Variants in EPB41L4B observed in about 807,000 individuals in gnomAD.
EPB41L4B encodes the protein band 4.1-like protein 4B.
A neutral mutation model predicts 112.5 loss-of-function variants in EPB41L4B; 30 were observed. That is an observed-to-expected ratio of 0.27 (90% CI 0.20 to 0.36). EPB41L4B has a LOEUF of 0.36. EPB41L4B is among the 10% of genes least tolerant of loss of function. EPB41L4B has a pLI of 1.00. For synonymous variants in EPB41L4B, 408 were observed against 439.7 expected, an observed-to-expected ratio of 0.93 and a Z score of 0.90; for missense variants, 1,024 against 1,133.3, an observed-to-expected ratio of 0.90 and a Z score of 1.38.
At chr9:109,210,416 T>A (rs10979750) in intron 17 of EPB41L4B, among the ~76,000 whole-genome samples, 14,202 of 152,226 alleles carry the variant, frequency 0.093, 971 homozygotes, top group African/African-American at 0.19. Flanking sequence ...GTCAAATTGG[T>A]TATAAAGCCC....
At chr9:109,181,856 A>G (rs1832069123) in intron 24 of EPB41L4B, among the ~76,000 whole-genome samples, 1 of 152,184 alleles carries the variant, frequency 6.6e-6, no homozygotes, top group African/African-American at 2.4e-5. Flanking sequence ...AAAACCCCCA[A>G]TAAATGAGTG....
chr9:109,238,614 A>G (rs1221054668), intron 15 of EPB41L4B, among the ~76,000 whole-genome samples: 1 of 152,184 alleles, frequency 6.6e-6, no homozygotes, highest in Non-Finnish European at 1.5e-5. Context: ...TGAGATAAAC[A>G]AAAGAGCCCA....
At chr9:109,314,130 C>A (rs1837534853) in intron 1 of EPB41L4B, among the ~76,000 whole-genome samples, 1 of 152,188 alleles carries the variant, frequency 6.6e-6, no homozygotes, top group Admixed American at 6.5e-5. Context: ...GCAGTTCCCA[C>A]TGGAGGAGAA....
chr9:109,184,067 C>T (rs1184846031), intron 23 of EPB41L4B, among the ~76,000 whole-genome samples: 1 of 152,214 alleles, frequency 6.6e-6, no homozygotes, highest in Non-Finnish European at 1.5e-5. Context: ...CTTTTTGACT[C>T]AGGTGAGAGA....
chr9:109,181,879 G>T (rs1210804423), intron 24 of EPB41L4B, among the ~76,000 whole-genome samples: 1 of 152,084 alleles, frequency 6.6e-6, no homozygotes, highest in East Asian at 1.9e-4. Flanking sequence ...TAAACAAATT[G>T]CAGTATATAG....
In EPB41L4B at chr9:109,195,469, G is replaced by A. The variant is rs143112566; in HGVS notation, c.2046-1072C>T. 1.9e-3 allele frequency among the ~76,000 whole-genome samples: 283 copies of A among 152,306 alleles called. 1 individual carries two copies. The highest frequency in any genetic ancestry group is 3.2e-3 in the Non-Finnish European group (219 of 68,030). ...CTCATTACTAAAAAGGGGGAAAGGT[G>A]AGAATTGAATAAGTACATGGAAAAA... On this transcript the variant is annotated intron_variant, in intron 20 of 25. Transcript: ENST00000374566.
chr9:109,283,433 A>G (rs1465839156), intron 1 of EPB41L4B, among the ~76,000 whole-genome samples: 1 of 152,238 alleles, frequency 6.6e-6, no homozygotes, highest in Non-Finnish European at 1.5e-5. Flanking sequence ...TGAAGGCAAC[A>G]GGTCAACAGA....
Position 109,176,647 on chromosome 9 carries a change from G to C in EPB41L4B, c.2537C>G (p.Pro846Arg). The change falls in exon 25 of 26, where the codon CCG becomes CGG. Residue 846 changes from proline to arginine, a missense_variant. Pro to Arg is a moderately radical substitution (Grantham distance 103). Coordinates refer to ENST00000374566, the MANE Select transcript of EPB41L4B (RefSeq NM_019114.5). ...KLQCCPGPTS[P>R]LIPAATLRPL... is the part of the protein sequence containing the mutation. ...CCTCAGGGTCGCTGCTGGGATCAGC[G>C]GGGAAGTCGGGCCAGGACAGCACTG... 6.2e-7 allele frequency: 1 copy of C among 1,614,030 alleles called. No homozygotes were observed. Among genetic ancestry groups the C allele is most frequent in the Non-Finnish European group, 8.5e-7 (1 of 1,179,968 alleles).
chr9:109,199,025 T>A (rs1217411807), intron 20 of EPB41L4B, among the ~76,000 whole-genome samples: 6 of 152,142 alleles, frequency 3.9e-5, no homozygotes, highest in Non-Finnish European at 7.4e-5. Context: ...TGCTTTGGAT[T>A]ATAATTATTT....
chr9:109,319,281 G>C (rs1181602049), intron 1 of EPB41L4B, among the ~76,000 whole-genome samples: 7 of 152,210 alleles, frequency 4.6e-5, no homozygotes, highest in Non-Finnish European at 1.0e-4. Context: ...GCTGGCGCGG[G>C]GCGGGGGTGC....
chr9:109,248,268 C>A (rs1834636403), intron 13 of EPB41L4B, among the ~76,000 whole-genome samples: 1 of 152,146 alleles, frequency 6.6e-6, no homozygotes, highest in African/African-American at 2.4e-5. Flanking sequence ...ACATGTGGGT[C>A]CCCTTGCTAT....
intron 1 of EPB41L4B, chr9:109,300,486 T>TTATA: frequency 6.6e-6 from 1 of 152,302 alleles, no homozygotes; most frequent in Middle Eastern, 3.4e-3. Context: ...CATATTTATA[T>TTATA]TATTCAATAC....
intron 15 of EPB41L4B, among the ~76,000 whole-genome samples, chr9:109,219,513 AC>A (rs1833500604): frequency 6.6e-6 from 1 of 152,076 alleles, no homozygotes; most frequent in Non-Finnish European, 1.5e-5. Flanking sequence ...TGCACCTGCC[AC>A]CACTCCTGGC....
Position 109,209,430 on chromosome 9 carries a change from G to A in EPB41L4B, c.1753-1381C>T, listed in dbSNP as rs559100129. Among the ~76,000 whole-genome samples the A allele has an allele frequency of 2.6e-5, 4 of 152,004 alleles. No individual in the cohort carries two copies. In the East Asian group the frequency reaches 7.8e-4, roughly 29 times the overall value. ...AATCCCAGCGCTTTGGGAGGCCGGG[G>A]CGGGTGGATCACTTGAGCCCAGGAG... On this transcript the variant is annotated intron_variant, in intron 17 of 25. Transcript: ENST00000374566.
At chr9:109,270,426 A>C (rs1271773617) in intron 2 of EPB41L4B, among the ~76,000 whole-genome samples, 1 of 152,184 alleles carries the variant, frequency 6.6e-6, no homozygotes, top group Non-Finnish European at 1.5e-5. Flanking sequence ...CTGGGTTGTC[A>C]CGTCCATATT....
At chr9:109,277,272 C>G (rs1170074415) in intron 2 of EPB41L4B, among the ~76,000 whole-genome samples, 1 of 149,800 alleles carries the variant, frequency 6.7e-6, no homozygotes, top group East Asian at 2.0e-4. Context: ...TGGAAATAGG[C>G]CTGCCGCTCC....
intron 1 of EPB41L4B, among the ~76,000 whole-genome samples, chr9:109,317,376 C>T: frequency 6.6e-6 from 1 of 152,154 alleles, no homozygotes; most frequent in African/African-American, 2.4e-5. Flanking sequence ...CTTAGCATCA[C>T]CCAGAATAAA....
At chr9:109,182,283 T>C (rs1433641914) in intron 24 of EPB41L4B, among the ~76,000 whole-genome samples, 4 of 152,190 alleles carry the variant, frequency 2.6e-5, no homozygotes, top group African/African-American at 7.2e-5. Flanking sequence ...AAATACATTA[T>C]GCTAAGTGAA....
chr9:109,243,584 TC>T (rs1834430539), intron 15 of EPB41L4B, 33 bp downstream of exon 15: 1 of 1,607,072 alleles, frequency 6.2e-7, no homozygotes, highest in African/African-American at 1.3e-5. Flanking sequence ...AGGAAAGCTT[TC>T]GAAGGTGCAG....
Sources: gnomAD v4.1 joint callset for allele counts (sites outside exome capture counted in the v4.1 genomes callset) on GRCh38, gnomAD v4.1.1 for gene constraint, MANE v1.5 for transcripts, NCBI Gene and HGNC (gene_info 2026-07-23, HGNC 2026-07-21) for gene names.